The following AFF1 variants were observed in gnomAD, a reference collection of about 807,000 sequenced individuals.
AFF1 encodes AF4/FMR2 family member 1.
AFF1 carries 48 observed loss-of-function variants against 121.7 expected under a neutral mutation model. The ratio of observed to expected loss-of-function variants is 0.39; its 90% CI spans 0.31 to 0.50. The LOEUF (loss-of-function observed/expected upper bound fraction) is 0.50, where lower values mean the gene tolerates loss of function less well. Among genes scored for constraint, AFF1 ranks in the 20% least tolerant of loss-of-function variants. The pLI, the probability that AFF1 is intolerant of heterozygous loss-of-function variation, is 0.76. For synonymous variants in AFF1, 613 were observed against 563.0 expected (o/e 1.09, Z -1.26); for missense variants, 1,523 against 1,511.7 (o/e 1.01, Z -0.12).
At chr4:87,093,952 T>G (rs529889124) in intron 7 of AFF1, among the ~76,000 whole-genome samples, 1 of 152,324 alleles carries the variant, frequency 6.6e-6, no homozygotes, top group South Asian at 2.1e-4. Flanking sequence ...AGAGTAATCC[T>G]TCTGAGGAAT....
intron 4 of AFF1, among the ~76,000 whole-genome samples, chr4:87,049,032 G>A (rs957930156): frequency 7.9e-6 from 1 of 126,062 alleles, no homozygotes; most frequent in Non-Finnish European, 1.6e-5. Flanking sequence ...CTCAATGAGA[G>A]TTTCTTTCTT....
At chr4:86,949,175 TATA>T (rs1721082700) in intron 2 of AFF1, among the ~76,000 whole-genome samples, 1 of 107,320 alleles carries the variant, frequency 9.3e-6, no homozygotes, top group African/African-American at 3.4e-5. Flanking sequence ...TATATATATA[TATA>T]TATTTTTTTT....
chr4:87,030,897 T>C (rs1444940965), intron 2 of AFF1, among the ~76,000 whole-genome samples: 4 of 152,110 alleles, frequency 2.6e-5, no homozygotes, highest in Non-Finnish European at 1.5e-5. Flanking sequence ...GGAATGGTGA[T>C]CGGTTTTGTT....
chr4:87,123,805 C>A (rs572544321), intron 12 of AFF1, among the ~76,000 whole-genome samples: 1 of 152,330 alleles, frequency 6.6e-6, no homozygotes, highest in South Asian at 2.1e-4. Context: ...GAGGAAGACA[C>A]AGGAAAACTG....
At chr4:87,059,511 C>T (rs1391000397) in intron 4 of AFF1, among the ~76,000 whole-genome samples, 1 of 152,188 alleles carries the variant, frequency 6.6e-6, no homozygotes, top group Non-Finnish European at 1.5e-5. Flanking sequence ...TTCTTTCTAA[C>T]CTCTCATCTT....
chr4:87,101,873 G>A (rs897627442), intron 8 of AFF1, among the ~76,000 whole-genome samples: 3 of 152,216 alleles, frequency 2.0e-5, no homozygotes, highest in African/African-American at 7.2e-5. Flanking sequence ...ATAAGGTTAT[G>A]TAAATACTTT....
At chr4:86,967,501 T>C (rs1022697293) in intron 2 of AFF1, among the ~76,000 whole-genome samples, 2 of 152,224 alleles carry the variant, frequency 1.3e-5, no homozygotes, top group African/African-American at 4.8e-5. Flanking sequence ...TGGTTTAATA[T>C]GATTTTAAAA....
At chr4:87,031,425 C>G (rs931686129) in intron 2 of AFF1, among the ~76,000 whole-genome samples, 3 of 151,636 alleles carry the variant, frequency 2.0e-5, no homozygotes, top group African/African-American at 7.3e-5. Context: ...CCTCTACTAT[C>G]ACTCTTAGCA....
chr4:86,993,067 AC>A (rs768189921), intron 2 of AFF1, among the ~76,000 whole-genome samples: 1 of 152,170 alleles, frequency 6.6e-6, no homozygotes, highest in East Asian at 1.9e-4. Flanking sequence ...TTTACATGTG[AC>A]CTAGGTAGGA....
chr4:87,106,954 A>G (rs1725967620), intron 10 of AFF1, among the ~76,000 whole-genome samples: 1 of 152,252 alleles, frequency 6.6e-6, no homozygotes, highest in African/African-American at 2.4e-5. Flanking sequence ...GACTCATAAA[A>G]CATGACAAGG....
At chr4:87,025,197 C>T (rs528935693) in intron 2 of AFF1, among the ~76,000 whole-genome samples, 2 of 152,190 alleles carry the variant, frequency 1.3e-5, no homozygotes, top group South Asian at 2.1e-4. Context: ...AGCCTGTGCT[C>T]CTTTGCCAGC....
At position 86,970,415 on chromosome 4, in the gene AFF1, C is replaced by T. The variant is rs1038749871; in HGVS notation, c.38+21844C>T. 1.2e-4 allele frequency among the ~76,000 whole-genome samples: 19 copies of T among 152,310 alleles called. No individual in the cohort carries two copies. In the East Asian group the frequency reaches 2.7e-3, roughly 22 times the overall value. ...AAGGAATGAGTCCCCATCCTGCTAC[C>T]TCCTTAAGAAGATAAAAATGTTGCT... On this transcript the variant is annotated intron_variant, in intron 2 of 20. Transcript: ENST00000395146.
intron 14 of AFF1, among the ~76,000 whole-genome samples, 192 bp from the exon 15 acceptor site, chr4:87,126,834 C>T (rs1728296629): frequency 6.6e-6 from 1 of 152,018 alleles, no homozygotes; most frequent in Non-Finnish European, 1.5e-5. Context: ...CTTTTTGAGT[C>T]CCCAGTACAA....
chr4:87,031,549 T>C (rs2149584064), intron 2 of AFF1, among the ~76,000 whole-genome samples: 1 of 152,290 alleles, frequency 6.6e-6, no homozygotes, highest in East Asian at 1.9e-4. Context: ...AGTCAATGTT[T>C]ACTGGAAATC....
chr4:87,081,578 C>CA (rs1249033938), intron 4 of AFF1, among the ~76,000 whole-genome samples: 1 of 152,140 alleles, frequency 6.6e-6, no homozygotes, highest in Non-Finnish European at 1.5e-5. Context: ...ACTGTAAAGG[C>CA]AGTTAGCTAG....
At chr4:86,935,880 G>C (rs760524849) in intron 1 of AFF1, 1 of 152,116 alleles carries the variant, frequency 6.6e-6, no homozygotes, top group Non-Finnish European at 1.5e-5. Context: ...TTTTTCCCTC[G>C]GGTGTCCCAT....
At chr4:87,125,004 T>C in intron 12 of AFF1, 33 bp from the exon 13 acceptor site, 2 of 1,502,734 alleles carry the variant, frequency 1.3e-6, no homozygotes, top group Non-Finnish European at 1.8e-6. Flanking sequence ...ATTATGTTGG[T>C]AATAATTTGC....
At chr4:87,120,421 C>G (rs1017446818) in intron 12 of AFF1, among the ~76,000 whole-genome samples, 7 of 152,176 alleles carry the variant, frequency 4.6e-5, no homozygotes, top group African/African-American at 1.7e-4. Flanking sequence ...GCGGAAAGAA[C>G]CTTAGTGGTC....
intron 2 of AFF1, among the ~76,000 whole-genome samples, chr4:86,996,244 A>G (rs1289193809): frequency 6.6e-6 from 1 of 152,160 alleles, no homozygotes; most frequent in East Asian, 1.9e-4. Flanking sequence ...CTCATTGAGA[A>G]CGGGCCATGA....
Sources: gnomAD v4.1 joint callset for allele counts (sites outside exome capture counted in the v4.1 genomes callset) on GRCh38, gnomAD v4.1.1 for gene constraint, MANE v1.5 for transcripts, NCBI Gene and HGNC (gene_info 2026-07-23, HGNC 2026-07-21) for gene names.